VPS13C: variants seen among roughly 807,000 people sequenced by gnomAD.
VPS13C encodes intermembrane lipid transfer protein VPS13C.
VPS13C carries 358 observed loss-of-function variants against 456.8 expected under a neutral mutation model. That is an observed-to-expected ratio of 0.78 (90% CI 0.72 to 0.86). VPS13C has a LOEUF of 0.86. VPS13C is among the 40% of genes least tolerant of loss of function. VPS13C has a pLI of 0.00. For synonymous variants in VPS13C, 1,578 were observed against 1,486.7 expected (o/e 1.06, Z -1.41); for missense variants, 4,818 against 4,385.4 (o/e 1.10, Z -2.79).
At position 62,023,500 on chromosome 15, in the gene VPS13C, T is replaced by C. The variant is rs368826430; in HGVS notation, c.535A>G (p.Lys179Glu). 1.3e-5 allele frequency: 20 copies of C among 1,569,948 alleles called. No individual in the cohort carries two copies. Among genetic ancestry groups the C allele is most frequent in the Non-Finnish European group, 1.6e-5 (19 of 1,164,270 alleles). The change falls in exon 8 of 85, where the codon AAG becomes GAG. Residue 179 changes from lysine (K) to glutamate (E), a missense_variant. Transcript: ENST00000644861. ...GCCAATTTTTCCACAAATGTATCCTTTTTGGCTTCTTTTGGCTTATCTATT... is the reference window on the plus strand; with the variant it reads ...GCCAATTTTTCCACAAATGTATCCTCTTTGGCTTCTTTTGGCTTATCTATT... ...RSKDKPKEAK[K>E]DTFVEKLATQ...
Position 61,982,476 on chromosome 15 carries a change from T to A in VPS13C, c.2012A>T (p.Lys671Met). ...SATLMKLEEI[K>M]ERTATGLTHI... is the part of the protein sequence containing the mutation. The stretch of plus-strand genomic sequence containing the variant: ...TTCTTCACCTGTAGCTGTTCTCTCC[T>A]TAATTTCTTCCAGCTTCATCAATGT... The change falls in exon 21 of 85, where the codon AAG (lysine) becomes ATG (methionine). Residue 671 changes from lysine to methionine, a missense_variant. Coordinates refer to ENST00000644861, the MANE Select transcript of VPS13C (RefSeq NM_020821.3). 6.2e-7 allele frequency: 1 copy of A among 1,608,298 alleles called. No individual in the cohort carries two copies. The highest frequency in any genetic ancestry group is 8.5e-7 in the Non-Finnish European group (1 of 1,178,210).
chr15:61,867,670 A>C lies in VPS13C; in HGVS notation c.10863+989T>G. 7.9e-7 allele frequency: 1 copy of C among 1,267,230 alleles called. No homozygotes were observed. Among genetic ancestry groups the C allele is most frequent in the Non-Finnish European group, 1.0e-6 (1 of 1,004,524 alleles). 78.5% of individuals were successfully genotyped at this position (1,267,230 alleles called of 1,614,324 possible). On this transcript the variant is annotated intron_variant, in intron 81 of 84. Transcript: ENST00000644861. The surrounding 1 kb of genome is among the most constrained non-coding windows in gnomAD (Gnocchi z 5.0). Reference sequence around the variant, plus strand: ...CTGAGCTCAATAAAGGCTTTCATCTATTAAACGCAGAAGAGAGCTGATTCT... The same window carrying C: ...CTGAGCTCAATAAAGGCTTTCATCTCTTAAACGCAGAAGAGAGCTGATTCT...
chr15:61,940,611 C>G (rs765117102), intron 47 of VPS13C, 36 bp downstream of exon 47: 4 of 1,582,064 alleles, frequency 2.5e-6, no homozygotes, highest in Admixed American at 3.5e-5. Context: ...AAAAGCCTAT[C>G]AAGAAATTTT....
chr15:62,001,790 T>C (rs551038901), intron 15 of VPS13C, among the ~76,000 whole-genome samples: 2 of 152,342 alleles, frequency 1.3e-5, no homozygotes, highest in Admixed American at 6.5e-5. Context: ...GTTCTTGCGA[T>C]AGTTTACTGA....
chr15:62,057,164 A>G (rs1023515444), intron 1 of VPS13C, among the ~76,000 whole-genome samples: 2 of 152,188 alleles, frequency 1.3e-5, no homozygotes, highest in Non-Finnish European at 1.5e-5. Context: ...AATATTTACA[A>G]GATGAATTCT....
At chr15:61,968,503 A>G (rs968111465) in intron 28 of VPS13C, among the ~76,000 whole-genome samples, 1 of 152,056 alleles carries the variant, frequency 6.6e-6, no homozygotes, top group Non-Finnish European at 1.5e-5. Flanking sequence ...AATGCCCCAC[A>G]GGTACCAAGG....
chr15:61,943,738 T>C (rs2140266344), intron 45 of VPS13C, among the ~76,000 whole-genome samples: 1 of 152,082 alleles, frequency 6.6e-6, no homozygotes, highest in East Asian at 1.9e-4. Context: ...TGGGAAAGAA[T>C]TTATGACTAA....
intron 3 of VPS13C, among the ~76,000 whole-genome samples, chr15:62,036,647 C>G (rs1427691566): frequency 6.6e-6 from 1 of 151,980 alleles, no homozygotes; most frequent in Non-Finnish European, 1.5e-5. Context: ...TGATTGCCTT[C>G]TTGGTGAGCA....
chr15:61,932,644 T>G (rs937394713), intron 49 of VPS13C, among the ~76,000 whole-genome samples: 8 of 152,170 alleles, frequency 5.3e-5, no homozygotes, highest in Admixed American at 4.6e-4. Flanking sequence ...TGTGCAATCA[T>G]TGGCACACTG....
chr15:62,000,431 C>A, intron 16 of VPS13C, 133 bp downstream of exon 16: 1 of 770,108 alleles, frequency 1.3e-6, no homozygotes, highest in Non-Finnish European at 2.0e-6. Flanking sequence ...TTTCAGTACT[C>A]CAGTTTCTTT....
intron 8 of VPS13C, among the ~76,000 whole-genome samples, chr15:62,021,491 G>A (rs939815231): frequency 1.3e-5 from 2 of 151,952 alleles, no homozygotes; most frequent in South Asian, 2.1e-4. Flanking sequence ...AATCCACAGT[G>A]CTTAAACTAT....
In VPS13C at chr15:61,918,116, T is replaced by C. The variant is rs375205082; in HGVS notation, c.7760+20A>G. 42 of 1,561,328 alleles carry C rather than the reference T, an allele frequency of 2.7e-5. No individual in the cohort carries two copies. Among genetic ancestry groups the C allele is most frequent in the Admixed American group, 8.9e-5 (4 of 45,056 alleles). ...CCAACTCAATACATTTAAAGTTTAA[T>C]ACATTTAAGAAGTATCTACCTATAT... On this transcript the variant is annotated intron_variant, in intron 59 of 84. Transcript: ENST00000644861.
rs2048071957 is a variant in VPS13C, at chr15:62,037,323, ATTATATAC to A, written c.188-2279_188-2272del. On this transcript the variant is annotated intron_variant, in intron 3 of 84. Transcript: ENST00000644861. ...TAATATATATATAAATATATTATATATTATATACATTTATATATAATATATTATATATA... is the reference window on the plus strand; with the variant it reads ...TAATATATATATAAATATATTATATAATTTATATATAATATATTATATATA... 8.1e-5 allele frequency among the ~76,000 whole-genome samples: 7 copies of A among 86,930 alleles called. 1 individual carries two copies. Among genetic ancestry groups the A allele is most frequent in the South Asian group, 5.5e-4 (2 of 3,652 alleles). The allele number at this position is 86,930 out of a possible 152,430, so 57.0% of individuals were successfully genotyped here. A position where few individuals can be genotyped will look rare whatever the true frequency, so the allele number is the denominator to read the frequency against.
chr15:62,006,821 A>G (rs929561180), intron 15 of VPS13C, among the ~76,000 whole-genome samples: 2 of 152,032 alleles, frequency 1.3e-5, no homozygotes, highest in Admixed American at 6.5e-5. Flanking sequence ...ATGGTATCTC[A>G]TTGTGGTTTT....
At chr15:61,884,007 T>C (rs1896076177) in intron 68 of VPS13C, 121 bp downstream of exon 68, 5 of 832,664 alleles carry the variant, frequency 6.0e-6, no homozygotes, top group Admixed American at 7.0e-5. Flanking sequence ...AAATAAAAGT[T>C]TATCTACCAA....
rs770823375 is a variant in VPS13C at position 61,884,087 on chromosome 15, A to G, written c.9483+41T>C. The G allele has an allele frequency of 1.9e-6, 3 of 1,549,834 alleles. No homozygotes were observed. In the East Asian group the frequency reaches 6.9e-5, roughly 35 times the overall value. The stretch of plus-strand genomic sequence containing the variant: ...TTTTACTTACTACCACCACCAAGAA[A>G]ATACACATATAAAAATCAAAACAAA... On this transcript the variant is annotated intron_variant, in intron 68 of 84. Coordinates refer to ENST00000644861, the MANE Select transcript of VPS13C (RefSeq NM_020821.3).
chr15:61,935,983 A>C (rs2044214739), intron 48 of VPS13C, among the ~76,000 whole-genome samples: 2 of 152,214 alleles, frequency 1.3e-5, no homozygotes, highest in Non-Finnish European at 2.9e-5. Flanking sequence ...ATTAAACATA[A>C]TATTCACATC....
chr15:61,869,465 GA>G, intron 80 of VPS13C, 34 bp downstream of exon 80: 2 of 1,605,786 alleles, frequency 1.2e-6, no homozygotes. Context: ...TTAGCACACA[GA>G]CACATACCTT....
At chr15:62,000,749 G>T in intron 15 of VPS13C, 123 bp from the exon 16 acceptor site, 1 of 674,788 alleles carries the variant, frequency 1.5e-6, no homozygotes, top group Non-Finnish European at 2.3e-6. Flanking sequence ...GAAAGTATTA[G>T]TATAAATTTG....
Sources: gnomAD v4.1 joint callset for allele counts (sites outside exome capture counted in the v4.1 genomes callset) on GRCh38, gnomAD v4.1.1 for gene constraint, Gnocchi (gnomAD v3.1) non-coding constraint, MANE v1.5 for transcripts, NCBI Gene and HGNC (gene_info 2026-07-23, HGNC 2026-07-21) for gene names.